FAM3D: variants seen among roughly 807,000 people sequenced by gnomAD.
The protein encoded by FAM3D is protein FAM3D.
FAM3D carries 26 observed loss-of-function variants against 29.8 expected under a neutral mutation model. The ratio of observed to expected loss-of-function variants is 0.87; its 90% CI spans 0.64 to 1.21. The LOEUF is 1.21. Ranked by LOEUF, FAM3D falls within the 50% of genes most tolerant of loss-of-function variation. The pLI is 0.00. For synonymous variants in FAM3D, 115 were observed against 102.3 expected (o/e 1.12, Z -0.75); for missense variants, 253 against 290.9 (o/e 0.87, Z 0.95).
intron 8 of FAM3D, 84 bp from the exon 9 acceptor site, chr3:58,636,504 C>CCCA: frequency 4.5e-6 from 7 of 1,558,518 alleles, no homozygotes; most frequent in Non-Finnish European, 5.2e-6. Flanking sequence ...GGGCAAGGTT[C>CCCA]CCACTCTTCT....
intron 5 of FAM3D, 110 bp downstream of exon 5, chr3:58,645,399 C>T: frequency 1.4e-6 from 1 of 719,566 alleles, no homozygotes; most frequent in African/African-American, 1.7e-5. Flanking sequence ...GAAAGGGAAG[C>T]TGTGGGCTGG....
At chr3:58,649,947 G>A (rs1170480062) in intron 3 of FAM3D, among the ~76,000 whole-genome samples, 1 of 152,214 alleles carries the variant, frequency 6.6e-6, no homozygotes, top group Non-Finnish European at 1.5e-5. Flanking sequence ...CCCGGTGCCT[G>A]GCCCCTGGGC....
chr3:58,650,295 C>A (rs1364904953), intron 3 of FAM3D, among the ~76,000 whole-genome samples: 1 of 152,136 alleles, frequency 6.6e-6, no homozygotes, highest in African/African-American at 2.4e-5. Context: ...CCTCCAAGGC[C>A]CCAGGAGTGG....
chr3:58,636,317 T>C lies in FAM3D; in HGVS notation c.562A>G (p.Arg188Gly), dbSNP rs1477394537. 14 of 1,614,042 alleles carry C rather than the reference T, an allele frequency of 8.7e-6. No homozygotes were observed. Among genetic ancestry groups the C allele is most frequent in the Non-Finnish European group, 1.2e-5 (14 of 1,180,026 alleles). ...SWVFIGAKDL[R>G]GKSPFEQFLK... ...ACCTGCTCAAAGGGGCTTTTACCCC[T>C]GAGGTCTTTGGCTCCTATGAAGACC... is the stretch of plus-strand genomic sequence containing the variant. Residue 188 changes from arginine to glycine, a missense_variant, in exon 9 of 10, where the codon AGG becomes GGG. Arg to Gly is a moderately radical substitution (Grantham distance 125, BLOSUM62 -2). Coordinates refer to ENST00000358781, the MANE Select transcript of FAM3D (RefSeq NM_138805.3).
rs2066978158 is a variant in FAM3D at position 58,663,811 on chromosome 3, C to G, written c.-39+2765G>C. On this transcript the variant is annotated intron_variant, in intron 1 of 9. Coordinates refer to ENST00000358781, the MANE Select transcript of FAM3D (RefSeq NM_138805.3). ...TCCAAGGCCTTGGTTTTGTGCCTGGCTCCCAGCCTCTCCCCGGCCCTGCTG... is the reference window on the plus strand; with the variant it reads ...TCCAAGGCCTTGGTTTTGTGCCTGGGTCCCAGCCTCTCCCCGGCCCTGCTG... Among the ~76,000 whole-genome samples, 3 of 152,184 alleles carry G rather than the reference C, an allele frequency of 2.0e-5. No individual in the cohort carries two copies. The South Asian group carries it at 6.2e-4, about 32-fold the overall frequency.
At chr3:58,649,580 C>CAT (rs2066574231) in intron 3 of FAM3D, among the ~76,000 whole-genome samples, 1 of 151,780 alleles carries the variant, frequency 6.6e-6, no homozygotes, top group African/African-American at 2.4e-5. Context: ...CACACACACA[C>CAT]ATGCAGATAT....
chr3:58,642,287 C>T lies in FAM3D; in HGVS notation c.322+1375G>A, dbSNP rs150910991. The stretch of plus-strand genomic sequence containing the variant: ...GCCCCATCACTGCTCCAGGCCTCGA[C>T]TTCTCCCCTGACCCATTAGGGTTTC... On this transcript the variant is annotated intron_variant, in intron 6 of 9. Transcript: ENST00000358781. 2.6e-4 allele frequency among the ~76,000 whole-genome samples: 40 copies of T among 152,358 alleles called. No homozygotes were observed. The East Asian group carries it at 6.0e-3, about 23-fold the overall frequency.
chr3:58,646,874 C>T (rs896163590), intron 4 of FAM3D, among the ~76,000 whole-genome samples: 1 of 152,180 alleles, frequency 6.6e-6, no homozygotes, highest in Non-Finnish European at 1.5e-5. Flanking sequence ...ATAACATGTA[C>T]AATATTTGGG....
intron 4 of FAM3D, among the ~76,000 whole-genome samples, chr3:58,646,389 C>A (rs772376436): frequency 6.6e-6 from 1 of 152,180 alleles, no homozygotes; most frequent in Non-Finnish European, 1.5e-5. Context: ...CTCCATGCAG[C>A]CTTCACAGGG....
Position 58,649,939 on chromosome 3 carries a change from C to T in FAM3D, c.122-601G>A, listed in dbSNP as rs371291420. 1.3e-3 allele frequency among the ~76,000 whole-genome samples: 193 copies of T among 152,332 alleles called. 1 individual carries two copies. The highest frequency in any genetic ancestry group is 4.4e-3 in the African/African-American group (183 of 41,566). On this transcript the variant is annotated intron_variant, in intron 3 of 9. Coordinates refer to ENST00000358781, the MANE Select transcript of FAM3D (RefSeq NM_138805.3). Reference sequence around the variant, plus strand: ...GAGATCACTGTGTGAGGGCCAAGCCCGGTGCCTGGCCCCTGGGCCCCAGTG... The same window carrying T: ...GAGATCACTGTGTGAGGGCCAAGCCTGGTGCCTGGCCCCTGGGCCCCAGTG...
chr3:58,652,479 T>A (rs569420643), intron 3 of FAM3D, among the ~76,000 whole-genome samples: 1 of 146,828 alleles, frequency 6.8e-6, no homozygotes, highest in African/African-American at 2.5e-5. Context: ...CACCCACTCA[T>A]CCATCCATCC....
At chr3:58,646,650 C>G (rs2066490863) in intron 4 of FAM3D, among the ~76,000 whole-genome samples, 1 of 152,250 alleles carries the variant, frequency 6.6e-6, no homozygotes, top group African/African-American at 2.4e-5. Flanking sequence ...GTTGGGCAGC[C>G]TTTCCCTCCC....
intron 1 of FAM3D, among the ~76,000 whole-genome samples, chr3:58,661,905 T>G (rs1480611125): frequency 6.6e-6 from 1 of 152,152 alleles, no homozygotes; most frequent in Non-Finnish European, 1.5e-5. Flanking sequence ...CAGGGTGTGC[T>G]CCACATGGAA....
intron 2 of FAM3D, among the ~76,000 whole-genome samples, chr3:58,654,153 C>T (rs1290957850): frequency 6.6e-6 from 1 of 152,204 alleles, no homozygotes; most frequent in Admixed American, 6.5e-5. Context: ...GAGGGCAGGA[C>T]TCTGGGAGGG....
Position 58,655,113 on chromosome 3 carries a change from G to A in FAM3D, c.13+438C>T, listed in dbSNP as rs576972409. ...CCTGTGCCCCTGACTCCTTACAGCT[G>A]TTCTAGAATGTAAATGAGGCAGGTG... On this transcript the variant is annotated intron_variant, in intron 2 of 9. Coordinates refer to ENST00000358781, the MANE Select transcript of FAM3D (RefSeq NM_138805.3). Among the ~76,000 whole-genome samples the A allele has an allele frequency of 7.9e-4, 120 of 152,298 alleles. 1 individual carries two copies. Among genetic ancestry groups the A allele is most frequent in the African/African-American group, 2.8e-3 (116 of 41,562 alleles).
rs1439576235 is a variant in FAM3D at position 58,638,724 on chromosome 3, C to T, written c.373+1403G>A. 2.0e-5 allele frequency among the ~76,000 whole-genome samples: 3 copies of T among 152,188 alleles called. No individual in the cohort carries two copies. In the East Asian group the frequency reaches 5.8e-4, roughly 29 times the overall value. ...AAGCTGGCCTTGATTATTAGTATTC[C>T]AGTGCGGACCTCTAGGACCTTGGGG... On this transcript the variant is annotated intron_variant, in intron 7 of 9. Coordinates refer to ENST00000358781, the MANE Select transcript of FAM3D (RefSeq NM_138805.3).
chr3:58,657,688 A>G (rs937416642), intron 1 of FAM3D: 1 of 152,398 alleles, frequency 6.6e-6, no homozygotes, highest in Non-Finnish European at 1.5e-5. Flanking sequence ...CAGCACCTGC[A>G]GAGCTACCTG....
intron 1 of FAM3D, among the ~76,000 whole-genome samples, chr3:58,662,338 C>T (rs548525852): frequency 1.2e-4 from 18 of 152,282 alleles, no homozygotes; most frequent in African/African-American, 3.9e-4. Context: ...ACAACAAAGT[C>T]GATGGTGGCT....
chr3:58,646,873 A>C (rs1228577680), intron 4 of FAM3D, among the ~76,000 whole-genome samples: 1 of 152,206 alleles, frequency 6.6e-6, no homozygotes, highest in Admixed American at 6.5e-5. Flanking sequence ...CATAACATGT[A>C]CAATATTTGG....
Sources: allele counts gnomAD v4.1 joint callset (sites outside exome capture counted in the v4.1 genomes callset), GRCh38; gene constraint gnomAD v4.1.1; transcripts MANE v1.5; gene names NCBI Gene and HGNC (gene_info 2026-07-23, HGNC 2026-07-21).